The following ENOX1 variants were observed in gnomAD, a reference collection of about 807,000 sequenced individuals.
ENOX1 encodes the protein ecto-NOX disulfide-thiol exchanger 1.
A neutral mutation model predicts 82.5 loss-of-function variants in ENOX1; 42 were observed. That is an observed-to-expected ratio of 0.51 (90% CI 0.40 to 0.66). ENOX1 has a LOEUF of 0.66. Ranked by LOEUF, ENOX1 falls within the 30% of genes least tolerant of loss-of-function variation. The probability of loss-of-function intolerance (pLI) is 0.00; values close to 1 mark genes in which losing one functional copy is unlikely to be tolerated. For missense variants in ENOX1, 608 were observed against 811.6 expected (o/e 0.75, Z 3.05); for synonymous variants, 271 against 282.2 (o/e 0.96, Z 0.40).
chr13:43,598,709 A>C (rs548904489), intron 2 of ENOX1, among the ~76,000 whole-genome samples: 1 of 152,350 alleles, frequency 6.6e-6, no homozygotes, highest in East Asian at 1.9e-4. Flanking sequence ...CAGATGATAC[A>C]GTGTGCTATG....
At chr13:43,659,447 G>A (rs1385127135) in intron 2 of ENOX1, among the ~76,000 whole-genome samples, 1 of 151,666 alleles carries the variant, frequency 6.6e-6, no homozygotes, top group Non-Finnish European at 1.5e-5. Context: ...CCGAGATCAC[G>A]CCACTGTACT....
intron 1 of ENOX1, among the ~76,000 whole-genome samples, chr13:43,682,984 A>G (rs7995938): frequency 2.0e-5 from 3 of 152,270 alleles, no homozygotes; most frequent in Middle Eastern, 3.4e-3. Flanking sequence ...TTTTTAATAT[A>G]ACAGAACAAA....
At chr13:43,654,760 G>C (rs1396352189) in intron 2 of ENOX1, among the ~76,000 whole-genome samples, 1 of 152,154 alleles carries the variant, frequency 6.6e-6, no homozygotes, top group Non-Finnish European at 1.5e-5. Context: ...GCTGAGCCCA[G>C]AAGGTTTTGG....
Position 43,390,883 on chromosome 13 carries a change from G to A in ENOX1, c.208+21033C>T, listed in dbSNP as rs189024891. On this transcript the variant is annotated intron_variant, in intron 5 of 16. Coordinates refer to ENST00000690772, the MANE Select transcript of ENOX1 (RefSeq NM_001347969.2). The stretch of plus-strand genomic sequence containing the variant: ...TTTTTCGGTTTTGTTTTTGCTTTTC[G>A]AAGGAGGGCCAATTTAAAAACAAAA... Among the ~76,000 whole-genome samples, 15 of 151,006 alleles carry A rather than the reference G, an allele frequency of 9.9e-5. No individual in the cohort carries two copies. The East Asian group carries it at 2.3e-3, about 24-fold the overall frequency.
chr13:43,765,434 C>CTA (rs111621898), intron 1 of ENOX1, among the ~76,000 whole-genome samples: 40 of 152,250 alleles, frequency 2.6e-4, no homozygotes, highest in African/African-American at 9.1e-4. Flanking sequence ...CCCTTGGAGC[C>CTA]TAGCTTAGTT....
At chr13:43,762,967 G>A (rs897823905) in intron 1 of ENOX1, among the ~76,000 whole-genome samples, 3 of 152,084 alleles carry the variant, frequency 2.0e-5, no homozygotes, top group African/African-American at 7.3e-5. Context: ...TGTAAATATG[G>A]CTAATAAATT....
chr13:43,638,450 GAA>G (rs2083495426), intron 2 of ENOX1, among the ~76,000 whole-genome samples: 1 of 151,802 alleles, frequency 6.6e-6, no homozygotes, highest in Non-Finnish European at 1.5e-5. Context: ...CTAATTCAGA[GAA>G]AGTTTCCTTA....
intron 5 of ENOX1, among the ~76,000 whole-genome samples, chr13:43,397,385 G>A (rs2053219906): frequency 6.6e-6 from 1 of 152,312 alleles, no homozygotes; most frequent in East Asian, 1.9e-4. Context: ...AACCTCATCA[G>A]CAGTGATTCA....
intron 1 of ENOX1, among the ~76,000 whole-genome samples, chr13:43,672,541 C>T (rs2085318116): frequency 6.6e-6 from 1 of 152,160 alleles, no homozygotes; most frequent in Non-Finnish European, 1.5e-5. Flanking sequence ...TTAATGTCTT[C>T]TTTAAGAGGG....
At chr13:43,537,437 G>A (rs1383624938) in intron 2 of ENOX1, among the ~76,000 whole-genome samples, 1 of 152,168 alleles carries the variant, frequency 6.6e-6, no homozygotes, top group African/African-American at 2.4e-5. Flanking sequence ...GAGCTATTTG[G>A]GAGGAATCTG....
At chr13:43,575,708 A>G (rs2080391645) in intron 2 of ENOX1, among the ~76,000 whole-genome samples, 1 of 152,236 alleles carries the variant, frequency 6.6e-6, no homozygotes, top group Admixed American at 6.5e-5. Context: ...AATAAGACAT[A>G]GATTCCTCGG....
intron 1 of ENOX1, among the ~76,000 whole-genome samples, chr13:43,671,931 T>TA (rs929510189): frequency 2.0e-5 from 3 of 152,294 alleles, no homozygotes; most frequent in African/African-American, 7.2e-5. Flanking sequence ...CTTAATAATT[T>TA]AAAAAATATG....
chr13:43,237,697 A>G (rs2042616478), intron 14 of ENOX1, among the ~76,000 whole-genome samples: 1 of 152,214 alleles, frequency 6.6e-6, no homozygotes, highest in Non-Finnish European at 1.5e-5. Flanking sequence ...TATAGGAGAG[A>G]TATTTAGATA....
At chr13:43,414,930 G>A (rs1392397437) in intron 3 of ENOX1, among the ~76,000 whole-genome samples, 3 of 152,094 alleles carry the variant, frequency 2.0e-5, no homozygotes, top group African/African-American at 7.2e-5. Context: ...ACTGTTTTAG[G>A]GATGGCTTTA....
intron 3 of ENOX1, among the ~76,000 whole-genome samples, chr13:43,450,180 G>T (rs1594680130): frequency 2.0e-5 from 3 of 152,270 alleles, no homozygotes; most frequent in Admixed American, 6.5e-5. Context: ...GGCTGATGAG[G>T]TGGCTTAGTA....
At chr13:43,457,373 C>G (rs1015887349) in intron 3 of ENOX1, among the ~76,000 whole-genome samples, 4 of 152,116 alleles carry the variant, frequency 2.6e-5, no homozygotes, top group African/African-American at 9.7e-5. Context: ...GTTGACTTTC[C>G]ATAAATGTTA....
chr13:43,356,522 T>C (rs1227886512), intron 7 of ENOX1, among the ~76,000 whole-genome samples: 1 of 152,204 alleles, frequency 6.6e-6, no homozygotes, highest in African/African-American at 2.4e-5. Context: ...GCATTTTTTT[T>C]CTCTACCTTT....
chr13:43,572,077 C>T (rs886204633), intron 2 of ENOX1, among the ~76,000 whole-genome samples: 1 of 151,806 alleles, frequency 6.6e-6, no homozygotes, highest in Non-Finnish European at 1.5e-5. Flanking sequence ...ATGAAGGTTG[C>T]TATATATAAA....
intron 16 of ENOX1, among the ~76,000 whole-genome samples, chr13:43,221,088 G>A (rs1268096878): frequency 2.6e-5 from 4 of 152,298 alleles, no homozygotes; most frequent in South Asian, 2.1e-4. Flanking sequence ...CAGTGGTGTC[G>A]TGCCAAAATA....
Sources: allele counts gnomAD v4.1 joint callset (sites outside exome capture counted in the v4.1 genomes callset), GRCh38; gene constraint gnomAD v4.1.1; transcripts MANE v1.5; gene names NCBI Gene and HGNC (gene_info 2026-07-23, HGNC 2026-07-21).